The following KHDRBS2 variants were observed in gnomAD, a reference collection of about 807,000 sequenced individuals.
KHDRBS2 encodes KH RNA binding domain containing, signal transduction associated 2.
A neutral mutation model predicts 44.3 loss-of-function variants in KHDRBS2; 26 were observed. The ratio of observed to expected loss-of-function variants is 0.59; its 90% CI spans 0.43 to 0.81. KHDRBS2 has a LOEUF of 0.81. KHDRBS2 is among the 40% of genes least tolerant of loss of function. KHDRBS2 has a pLI of 0.00. For synonymous variants in KHDRBS2, 194 were observed against 151.1 expected (o/e 1.28, Z -2.08); for missense variants, 476 against 433.1 (o/e 1.10, Z -0.88).
intron 4 of KHDRBS2, among the ~76,000 whole-genome samples, chr6:61,963,577 CT>C (rs1769239434): frequency 6.6e-6 from 1 of 152,056 alleles, no homozygotes; most frequent in Admixed American, 6.6e-5. Context: ...ATTTTGTAAA[CT>C]TAATTGAGTA....
chr6:61,978,233 A>T (rs776083640), intron 3 of KHDRBS2, 21 bp from the exon 4 acceptor site: 1 of 1,587,048 alleles, frequency 6.3e-7, no homozygotes, highest in African/African-American at 1.4e-5. Context: ...GGTTATTTTT[A>T]GAAATACAAA....
chr6:61,967,957 TAC>T (rs72296296), intron 4 of KHDRBS2, among the ~76,000 whole-genome samples: 12,186 of 73,100 alleles, frequency 0.17, 566 homozygotes, highest in South Asian at 0.2. Context: ...TATATATATA[TAC>T]ACACACACAC....
chr6:61,787,206 T>C (rs1452052424), intron 6 of KHDRBS2, among the ~76,000 whole-genome samples: 2 of 151,544 alleles, frequency 1.3e-5, no homozygotes, highest in African/African-American at 4.8e-5. Flanking sequence ...CATTTGGCTA[T>C]TATAAAAAAT....
At chr6:62,198,464 G>A (rs557358202) in intron 1 of KHDRBS2, among the ~76,000 whole-genome samples, 34 of 152,196 alleles carry the variant, frequency 2.2e-4, no homozygotes, top group South Asian at 8.3e-4. Flanking sequence ...ACACCTCTAC[G>A]CAAATAAACT....
intron 6 of KHDRBS2, among the ~76,000 whole-genome samples, chr6:61,824,872 A>G (rs1417790590): frequency 6.6e-6 from 1 of 152,172 alleles, no homozygotes; most frequent in African/African-American, 2.4e-5. Context: ...AATCAAATTT[A>G]CTACACATTT....
intron 4 of KHDRBS2, among the ~76,000 whole-genome samples, chr6:61,970,277 T>TCAAACA (rs1771062573): frequency 6.6e-6 from 1 of 151,980 alleles, no homozygotes; most frequent in Admixed American, 6.6e-5. Context: ...GTTTCTTGTT[T>TCAAACA]GCATGAATAA....
At chr6:61,603,630 C>T in the KHDRBS2 span, among the ~76,000 whole-genome samples, 1 of 152,086 alleles carries the variant, frequency 6.6e-6, no homozygotes, top group Non-Finnish European at 1.5e-5. Flanking sequence ...TTTTAGAGGC[C>T]CTCAAAATCA....
At chr6:62,128,858 C>A (rs1396415980) in intron 2 of KHDRBS2, among the ~76,000 whole-genome samples, 1 of 151,824 alleles carries the variant, frequency 6.6e-6, no homozygotes, top group Non-Finnish European at 1.5e-5. Flanking sequence ...AAATTAAAGG[C>A]AAATTTGAAG....
rs1812995751 is a variant in KHDRBS2 at position 61,945,109 on chromosome 6, AAAAGTATATAT to A, written c.483+32946_483+32956del. Among the ~76,000 whole-genome samples the A allele has an allele frequency of 8.2e-5, 3 of 36,584 alleles. No homozygotes were observed. The South Asian group carries it at 3.4e-3, about 42-fold the overall frequency. The allele number at this position is 36,584 out of a possible 152,430, so 24.0% of individuals were successfully genotyped here. A position where few individuals can be genotyped will look rare whatever the true frequency, so the allele number is the denominator to read the frequency against. On this transcript the variant is annotated intron_variant, in intron 4 of 8. Coordinates refer to ENST00000281156, the MANE Select transcript of KHDRBS2 (RefSeq NM_152688.4). ...CTGTCTTAAAAAAAAAAAAAAAAAA[AAAAGTATATAT>A]ATATATATATATATATATATATATA...
intron 2 of KHDRBS2, among the ~76,000 whole-genome samples, chr6:62,061,302 C>T (rs989879885): frequency 6.3e-4 from 95 of 151,674 alleles, no homozygotes; most frequent in African/African-American, 1.9e-3. Context: ...GATTTTGCAG[C>T]GGCTGGTACC....
intron 4 of KHDRBS2, among the ~76,000 whole-genome samples, chr6:61,973,044 G>C (rs1240049542): frequency 1.3e-5 from 2 of 152,126 alleles, no homozygotes; most frequent in Admixed American, 1.3e-4. Context: ...TAAGGCAGGA[G>C]AATCACTTGA....
intron 6 of KHDRBS2, among the ~76,000 whole-genome samples, chr6:61,885,594 C>G (rs967991534): frequency 6.6e-6 from 1 of 152,102 alleles, no homozygotes; most frequent in African/African-American, 2.4e-5. Context: ...GTAGCAATAT[C>G]TAAATAATGC....
chr6:62,169,169 ATG>A (rs1554451188), intron 2 of KHDRBS2, among the ~76,000 whole-genome samples: 25 of 133,922 alleles, frequency 1.9e-4, no homozygotes, highest in African/African-American at 3.2e-4. Flanking sequence ...GTACACATAT[ATG>A]TATATATGTA....
At chr6:61,671,360 C>A in the KHDRBS2 span, among the ~76,000 whole-genome samples, 2 of 151,482 alleles carry the variant, frequency 1.3e-5, no homozygotes, top group Non-Finnish European at 3.0e-5. Flanking sequence ...TTGGTTCATT[C>A]TGTATTTTTT....
intron 2 of KHDRBS2, among the ~76,000 whole-genome samples, chr6:62,065,427 T>C (rs995082775): frequency 4.1e-5 from 6 of 146,390 alleles, no homozygotes; most frequent in African/African-American, 1.5e-4. Context: ...ATGTGGTACA[T>C]ATACACCATG....
intron 6 of KHDRBS2, among the ~76,000 whole-genome samples, chr6:61,752,490 T>G: frequency 6.6e-6 from 1 of 152,080 alleles, no homozygotes; most frequent in Non-Finnish European, 1.5e-5. Context: ...TAATTATAGC[T>G]GAAATACAAT....
chr6:61,829,109 G>A lies in KHDRBS2; in HGVS notation c.810+65526C>T, dbSNP rs1347778313. On this transcript the variant is annotated intron_variant, in intron 6 of 8. Coordinates refer to ENST00000281156, the MANE Select transcript of KHDRBS2 (RefSeq NM_152688.4). ...ATAACACAGATGTACGTTTTAGTGT[G>A]TATATAGCTGACATTGTGTGCATGT... Among the ~76,000 whole-genome samples, 3 of 152,290 alleles carry A rather than the reference G, an allele frequency of 2.0e-5. No homozygotes were observed. The East Asian group carries it at 5.8e-4, about 29-fold the overall frequency.
At chr6:62,013,050 T>C (rs1275086270) in intron 3 of KHDRBS2, among the ~76,000 whole-genome samples, 2 of 152,172 alleles carry the variant, frequency 1.3e-5, no homozygotes, top group Non-Finnish European at 2.9e-5. Context: ...CTCCTAGAAA[T>C]TGAATAGCTT....
chr6:61,767,588 T>A (rs1165032570), intron 6 of KHDRBS2, among the ~76,000 whole-genome samples: 2 of 152,134 alleles, frequency 1.3e-5, no homozygotes, highest in Non-Finnish European at 2.9e-5. Context: ...GAAGGTGATT[T>A]TCTCTGGTAG....
Sources: gnomAD v4.1 joint callset for allele counts (sites outside exome capture counted in the v4.1 genomes callset) on GRCh38, gnomAD v4.1.1 for gene constraint, MANE v1.5 for transcripts, NCBI Gene and HGNC (gene_info 2026-07-23, HGNC 2026-07-21) for gene names.